Variants in TRRAP observed in about 807,000 individuals in gnomAD.
TRRAP encodes transformation/transcription domain associated protein, also known as transformation/transcription domain-associated protein.
Under a neutral mutation model 438.8 loss-of-function variants are expected in TRRAP, and 41 were observed. The ratio of observed to expected loss-of-function variants is 0.09; its 90% CI spans 0.07 to 0.12. The LOEUF (loss-of-function observed/expected upper bound fraction) is 0.12, where lower values mean the gene tolerates loss of function less well. Ranked by LOEUF, TRRAP falls within the 10% of genes least tolerant of loss-of-function variation. TRRAP has a pLI of 1.00. For synonymous variants in TRRAP, 1,994 were observed against 1,962.9 expected, an observed-to-expected ratio of 1.02 and a Z score of -0.42; for missense variants, 3,122 against 5,055.1, an observed-to-expected ratio of 0.62 and a Z score of 11.60.
intron 3 of TRRAP, among the ~76,000 whole-genome samples, chr7:98,887,080 T>G (rs1302999719): frequency 2.6e-5 from 4 of 151,888 alleles, no homozygotes; most frequent in African/African-American, 9.7e-5. Flanking sequence ...TGAATCTTTT[T>G]AACTGGAGAA....
At chr7:98,934,768 C>T (rs887341285) in intron 27 of TRRAP, among the ~76,000 whole-genome samples, 8 of 152,108 alleles carry the variant, frequency 5.3e-5, no homozygotes, top group Non-Finnish European at 7.3e-5. Context: ...CATACCTGCA[C>T]GCATATATAC....
chr7:98,935,244 C>T (rs1208966576), intron 27 of TRRAP, among the ~76,000 whole-genome samples: 1 of 152,006 alleles, frequency 6.6e-6, no homozygotes, highest in Non-Finnish European at 1.5e-5. Flanking sequence ...AAGACACGGC[C>T]CTGCCATCAT....
chr7:98,887,274 T>C (rs1339053931), intron 3 of TRRAP, among the ~76,000 whole-genome samples: 1 of 152,166 alleles, frequency 6.6e-6, no homozygotes, highest in East Asian at 1.9e-4. Context: ...TAATCAGTAG[T>C]TAATATGGAC....
chr7:98,925,396 A>C, intron 22 of TRRAP, 133 bp downstream of exon 22: 1 of 1,272,560 alleles, frequency 7.9e-7, no homozygotes, highest in Non-Finnish European at 1.1e-6. Flanking sequence ...TTATCTACCT[A>C]CTCCTTCTTG....
At chr7:98,961,135 G>C (rs1791873607) in intron 45 of TRRAP, 126 bp from the exon 46 acceptor site, 2 of 792,066 alleles carry the variant, frequency 2.5e-6, no homozygotes, top group Admixed American at 2.1e-5. Flanking sequence ...TCATTCTCTA[G>C]TGGTTTTTTT....
rs41636 is a variant in TRRAP at position 98,962,604 on chromosome 7, T to C, written c.6829+177T>C. Among the ~76,000 whole-genome samples the C allele has an allele frequency of 0.3, 45,829 of 152,164 alleles. 11,397 individuals carry two copies. The highest frequency in any genetic ancestry group is 0.69 in the African/African-American group (28,565 of 41,496). On this transcript the variant is annotated intron_variant, in intron 47 of 72. Coordinates refer to ENST00000456197, the MANE Select transcript of TRRAP (RefSeq NM_001375524.1). The stretch of plus-strand genomic sequence containing the variant: ...AGGCCGCCGTCTCCTGTAGACTGCA[T>C]CCCCCTTCGCCGATGCTTGCTCTGT...
chr7:98,993,445 C>A, intron 65 of TRRAP, 93 bp from the exon 66 acceptor site: 1 of 1,350,788 alleles, frequency 7.4e-7, no homozygotes. Flanking sequence ...CGGCAGGAAC[C>A]AGCGCTCCTT....
intron 19 of TRRAP, among the ~76,000 whole-genome samples, chr7:98,916,637 G>A (rs1789531305): frequency 6.6e-6 from 1 of 152,158 alleles, no homozygotes; most frequent in Admixed American, 6.5e-5. Context: ...TCCATGTCCG[G>A]ATTTAACCCT....
intron 67 of TRRAP, chr7:98,999,597 G>A: frequency 1.3e-6 from 1 of 774,108 alleles, no homozygotes; most frequent in South Asian, 1.5e-5. Flanking sequence ...CCCATAGGTT[G>A]TCTAAGTGCT....
At chr7:98,961,657 C>T (rs964136672) in intron 46 of TRRAP, among the ~76,000 whole-genome samples, 183 bp downstream of exon 46, 5 of 152,198 alleles carry the variant, frequency 3.3e-5, no homozygotes, top group South Asian at 4.1e-4. Context: ...TGGTGGCTCA[C>T]GCCTGTAATC....
intron 23 of TRRAP, among the ~76,000 whole-genome samples, chr7:98,929,119 T>C (rs1231171272): frequency 6.6e-6 from 1 of 152,038 alleles, no homozygotes; most frequent in Non-Finnish European, 1.5e-5. Context: ...TTTTGGTATT[T>C]TTAGTAGAGA....
intron 17 of TRRAP, 83 bp downstream of exon 17, chr7:98,911,354 T>C (rs1026752424): frequency 7.4e-7 from 1 of 1,343,408 alleles, no homozygotes; most frequent in Non-Finnish European, 1.0e-6. Context: ...ATTTCAAGGA[T>C]TTTAAAAATA....
At position 98,988,886 on chromosome 7, in the gene TRRAP, C is replaced by T. The variant is rs749735902; in HGVS notation, c.9511C>T (p.Leu3171=). 6.2e-7 allele frequency: 1 copy of T among 1,614,170 alleles called. No homozygotes were observed. Among genetic ancestry groups the T allele is most frequent in the South Asian group, 1.1e-5 (1 of 91,080 alleles). Residue 3171 remains leucine (L), a synonymous_variant, in exon 63 of 73, where the codon CTG becomes TTG. Coordinates refer to ENST00000456197, the MANE Select transcript of TRRAP (RefSeq NM_001375524.1). ...CTTTGTGAAGGAGCGGCAGCTGCAC[C>T]TGGGCGTGTCTGCCATCACCTGCTA... ...NIFVKERQLH[L]GVSAITCYLH...
chr7:98,896,800 G>A (rs1260921234), intron 7 of TRRAP, among the ~76,000 whole-genome samples: 1 of 152,210 alleles, frequency 6.6e-6, no homozygotes, highest in Admixed American at 6.5e-5. Flanking sequence ...TAAAATTAGT[G>A]ACTTTGAGTT....
At chr7:98,931,831 T>G (rs1790339763) in intron 26 of TRRAP, among the ~76,000 whole-genome samples, 166 bp downstream of exon 26, 1 of 152,234 alleles carries the variant, frequency 6.6e-6, no homozygotes, top group Non-Finnish European at 1.5e-5. Context: ...TGCTCAAATA[T>G]CTGATGTAAA....
At chr7:98,997,170 G>C (rs1233720797) in intron 67 of TRRAP, among the ~76,000 whole-genome samples, 1 of 151,958 alleles carries the variant, frequency 6.6e-6, no homozygotes, top group Non-Finnish European at 1.5e-5. Context: ...GCCTGTCGTG[G>C]TGGCGTGCGC....
chr7:98,944,278 A>G (rs1204032929), intron 31 of TRRAP, among the ~76,000 whole-genome samples: 10 of 151,764 alleles, frequency 6.6e-5, no homozygotes, highest in Non-Finnish European at 1.3e-4. Context: ...TAGAATAAAC[A>G]TTTAAAAAAA....
intron 20 of TRRAP, among the ~76,000 whole-genome samples, chr7:98,919,628 A>G (rs1789691426): frequency 6.6e-6 from 1 of 152,230 alleles, no homozygotes; most frequent in African/African-American, 2.4e-5. Context: ...TAAAGATGGC[A>G]TAGGCCGTGG....
Position 98,895,822 on chromosome 7 carries a change from T to A in TRRAP, c.507+2T>A. The stretch of plus-strand genomic sequence containing the variant: ...TACAAGGAGCTTCCAAAAGTAGTGG[T>A]ATGTTTTTACTTTGGTTTTAATTAG... On this transcript the variant is annotated splice_donor_variant, in intron 7 of 72. Coordinates refer to ENST00000456197, the MANE Select transcript of TRRAP (RefSeq NM_001375524.1). LOFTEE classifies it high-confidence loss of function. The A allele has an allele frequency of 6.2e-7, 1 of 1,602,292 alleles. No homozygotes were observed. The highest frequency in any genetic ancestry group is 1.7e-5 in the Admixed American group (1 of 58,372).
Sources: allele counts gnomAD v4.1 joint callset (sites outside exome capture counted in the v4.1 genomes callset), GRCh38; gene constraint gnomAD v4.1.1; transcripts MANE v1.5; gene names NCBI Gene and HGNC (gene_info 2026-07-23, HGNC 2026-07-21).